Variants in ADAMTS19 observed in about 807,000 individuals in gnomAD.
ADAMTS19 encodes the protein A disintegrin and metalloproteinase with thrombospondin motifs 19.
In ADAMTS19, 93 loss-of-function variants were observed where a neutral mutation model predicts 153.3. The observed-to-expected ratio is 0.61, with a 90% CI of 0.51 to 0.72. The LOEUF (loss-of-function observed/expected upper bound fraction) is 0.72. Ranked by LOEUF, ADAMTS19 falls within the 30% of genes least tolerant of loss-of-function variation. ADAMTS19 has a pLI of 0.00. For synonymous variants in ADAMTS19, 600 were observed against 556.6 expected, an observed-to-expected ratio of 1.08 and a Z score of -1.10; for missense variants, 1,482 against 1,552.1, an observed-to-expected ratio of 0.95 and a Z score of 0.76.
At chr5:129,533,925 C>G (rs575243807) in intron 6 of ADAMTS19, among the ~76,000 whole-genome samples, 2 of 152,024 alleles carry the variant, frequency 1.3e-5, no homozygotes, top group Non-Finnish European at 2.9e-5. Flanking sequence ...TTTCTTAATC[C>G]TGAGTTCTAG....
At chr5:129,687,221 G>A (rs1226622089) in intron 18 of ADAMTS19, among the ~76,000 whole-genome samples, 2 of 152,164 alleles carry the variant, frequency 1.3e-5, no homozygotes, top group East Asian at 1.9e-4. Flanking sequence ...CCCATCTTGT[G>A]GTTGGGGGGC....
chr5:129,494,526 C>A (rs1419039718), intron 2 of ADAMTS19, among the ~76,000 whole-genome samples: 2 of 152,164 alleles, frequency 1.3e-5, no homozygotes, highest in African/African-American at 4.8e-5. Context: ...GGCCTGAATG[C>A]CAACTATCTG....
chr5:129,480,009 C>T lies in ADAMTS19; in HGVS notation c.747+18252C>T, dbSNP rs1002213469. ...GAACTTAGAAAAGCCAAAACAATTC[C>T]GACAAGAACAAAGTTGGAGAACTTA... is the stretch of plus-strand genomic sequence containing the variant. On this transcript the variant is annotated intron_variant, in intron 2 of 22. Transcript: ENST00000274487. Among the ~76,000 whole-genome samples, 8 of 151,956 alleles carry T rather than the reference C, an allele frequency of 5.3e-5. No homozygotes were observed. The South Asian group carries it at 6.2e-4, about 12-fold the overall frequency.
At chr5:129,677,396 G>C (rs1007472006) in intron 16 of ADAMTS19, among the ~76,000 whole-genome samples, 3 of 151,844 alleles carry the variant, frequency 2.0e-5, no homozygotes, top group African/African-American at 7.3e-5. Flanking sequence ...GGAATTGCTT[G>C]AATCTGGGAG....
chr5:129,530,256 C>A (rs1752152493), intron 6 of ADAMTS19, among the ~76,000 whole-genome samples: 1 of 152,070 alleles, frequency 6.6e-6, no homozygotes. Flanking sequence ...CTCAAGATAG[C>A]CTAGATGTTG....
At chr5:129,733,092 A>G (rs1249883838) in intron 21 of ADAMTS19, among the ~76,000 whole-genome samples, 10 of 152,116 alleles carry the variant, frequency 6.6e-5, no homozygotes, top group African/African-American at 2.2e-4. Flanking sequence ...ATGCTGGAAA[A>G]ATTGGATAGC....
At chr5:129,725,853 G>T (rs1374784524) in intron 21 of ADAMTS19, among the ~76,000 whole-genome samples, 1 of 152,088 alleles carries the variant, frequency 6.6e-6, no homozygotes, top group African/African-American at 2.4e-5. Flanking sequence ...GGGGGACTTA[G>T]AATTTTATTG....
intron 2 of ADAMTS19, among the ~76,000 whole-genome samples, chr5:129,481,598 A>G (rs1374798311): frequency 6.6e-6 from 1 of 152,154 alleles, no homozygotes; most frequent in Non-Finnish European, 1.5e-5. Context: ...ACATTTCTTA[A>G]CAATGCATTT....
intron 8 of ADAMTS19, 42 bp downstream of exon 8, chr5:129,596,706 A>T: frequency 1.4e-6 from 2 of 1,406,306 alleles, no homozygotes; most frequent in Non-Finnish European, 2.0e-6. Flanking sequence ...TTAGCATATA[A>T]CTTTGTAATT....
intron 7 of ADAMTS19, among the ~76,000 whole-genome samples, chr5:129,572,010 A>G (rs1753929390): frequency 6.6e-6 from 1 of 151,972 alleles, no homozygotes; most frequent in African/African-American, 2.4e-5. Flanking sequence ...ATTAATCCAA[A>G]TGTAAAATGC....
chr5:129,605,981 A>C (rs1750873676), intron 8 of ADAMTS19, among the ~76,000 whole-genome samples: 1 of 152,042 alleles, frequency 6.6e-6, no homozygotes, highest in African/African-American at 2.4e-5. Flanking sequence ...TTTTGTTTTG[A>C]TTTTTGAACC....
chr5:129,471,352 T>A (rs1015206724), intron 2 of ADAMTS19, among the ~76,000 whole-genome samples: 4 of 148,420 alleles, frequency 2.7e-5, no homozygotes, highest in Non-Finnish European at 5.9e-5. Flanking sequence ...GGTGACAGAG[T>A]GAGACCCTGT....
At chr5:129,633,740 C>T (rs369200042) in intron 10 of ADAMTS19, among the ~76,000 whole-genome samples, 1 of 152,096 alleles carries the variant, frequency 6.6e-6, no homozygotes, top group African/African-American at 2.4e-5. Context: ...GAAATTTTGT[C>T]TCATCTATTG....
At chr5:129,555,101 A>C (rs905879195) in intron 7 of ADAMTS19, among the ~76,000 whole-genome samples, 10 of 151,762 alleles carry the variant, frequency 6.6e-5, no homozygotes, top group Admixed American at 6.6e-5. Flanking sequence ...CAGCCATTTT[A>C]CTTTTTTTTT....
chr5:129,591,417 C>T (rs564803407), intron 7 of ADAMTS19, among the ~76,000 whole-genome samples: 132 of 151,996 alleles, frequency 8.7e-4, no homozygotes, highest in African/African-American at 3.1e-3. Flanking sequence ...CTCAGCCTCC[C>T]GAGTAGCTGG....
rs1753692954 is a variant in ADAMTS19, at chr5:129,658,620, G to A, written c.2308G>A (p.Val770Ile). 3.1e-6 allele frequency: 5 copies of A among 1,610,326 alleles called. No individual in the cohort carries two copies. In the South Asian group the frequency reaches 3.3e-5, roughly 11 times the overall value. Residue 770 changes from valine (V) to isoleucine (I), a missense_variant, in exon 15 of 23, where the codon GTT (valine) becomes ATT (isoleucine). By Grantham distance (29) the Val-to-Ile change is conservative (BLOSUM62 3). This residue lies in a region of ADAMTS19 where 616 missense variants were observed against 724.4 expected (regional missense o/e 0.85). Transcript: ENST00000274487. ...TGCTGTCACTCTCTTGTTACAGAAA[G>A]TTGGCTGTGATGGTTTATTAGGGTC... The part of the protein sequence containing the change: ...DICANGRCQK[V>I]GCDGLLGSLA...
chr5:129,655,156 G>C (rs894431207), intron 14 of ADAMTS19, among the ~76,000 whole-genome samples: 4 of 152,192 alleles, frequency 2.6e-5, no homozygotes, highest in Non-Finnish European at 5.9e-5. Flanking sequence ...GTGGAGATAA[G>C]GAAGAGGCAG....
intron 22 of ADAMTS19, 98 bp downstream of exon 22, chr5:129,735,207 C>A: frequency 8.5e-7 from 1 of 1,181,236 alleles, no homozygotes; most frequent in Non-Finnish European, 1.1e-6. Context: ...AGTTGTAAAT[C>A]TATACTGATT....
intron 7 of ADAMTS19, among the ~76,000 whole-genome samples, chr5:129,555,355 A>G (rs527620063): frequency 2.0e-4 from 31 of 152,244 alleles, no homozygotes; most frequent in African/African-American, 7.2e-4. Context: ...CTGTAATTCA[A>G]ACAGTATTTT....
Sources: allele counts gnomAD v4.1 joint callset (sites outside exome capture counted in the v4.1 genomes callset), GRCh38; gene constraint gnomAD v4.1.1; regional missense constraint gnomAD v4.1.1; transcripts MANE v1.5; gene names NCBI Gene and HGNC (gene_info 2026-07-23, HGNC 2026-07-21).